Variants in ARHGAP15 observed in about 807,000 individuals in gnomAD.
The protein encoded by ARHGAP15 is rho GTPase-activating protein 15.
A neutral mutation model predicts 63.7 loss-of-function variants in ARHGAP15; 51 were observed. The observed-to-expected ratio is 0.80, with a 90% CI of 0.64 to 1.01. The LOEUF is 1.01. ARHGAP15 is among the 50% of genes least tolerant of loss of function. ARHGAP15 has a pLI of 0.00. For missense variants in ARHGAP15, 560 were observed against 564.6 expected (o/e 0.99, Z 0.08); for synonymous variants, 191 against 193.8 (o/e 0.99, Z 0.12).
At chr2:143,428,669 G>T (rs1166701970) in intron 6 of ARHGAP15, among the ~76,000 whole-genome samples, 1 of 152,030 alleles carries the variant, frequency 6.6e-6, no homozygotes, top group Non-Finnish European at 1.5e-5. Flanking sequence ...GGTCAAAAAG[G>T]TATGTAGAAA....
chr2:143,499,826 C>A (rs1692974446), intron 9 of ARHGAP15, among the ~76,000 whole-genome samples: 1 of 152,074 alleles, frequency 6.6e-6, no homozygotes, highest in Non-Finnish European at 1.5e-5. Flanking sequence ...CTCTCCTTTG[C>A]TTTCTTATTC....
chr2:143,181,557 A>G (rs1691235900), intron 2 of ARHGAP15, among the ~76,000 whole-genome samples: 1 of 152,206 alleles, frequency 6.6e-6, no homozygotes, highest in Non-Finnish European at 1.5e-5. Context: ...TTCACCTTGT[A>G]CTTTTATGTT....
In ARHGAP15 at chr2:143,410,021, T is replaced by TA. The variant is rs1308149808; in HGVS notation, c.475-25572dup. On this transcript the variant is annotated intron_variant, in intron 6 of 13. Coordinates refer to ENST00000295095, the MANE Select transcript of ARHGAP15 (RefSeq NM_018460.4). ...GTTTCACTTTTATAGTTTTTGAATG[T>TA]AAAAAAAATTAAATAAAACTGAGAT... 2.6e-5 allele frequency among the ~76,000 whole-genome samples: 4 copies of TA among 151,940 alleles called. No homozygotes were observed. In the East Asian group the frequency reaches 7.7e-4, roughly 29 times the overall value.
intron 9 of ARHGAP15, among the ~76,000 whole-genome samples, chr2:143,502,203 G>T (rs563160929): frequency 6.6e-6 from 1 of 152,060 alleles, no homozygotes; most frequent in African/African-American, 2.4e-5. Flanking sequence ...GAGGTCAGGA[G>T]TTCAAGATCA....
chr2:143,746,419 G>A (rs941965016), intron 13 of ARHGAP15, among the ~76,000 whole-genome samples: 14 of 152,042 alleles, frequency 9.2e-5, no homozygotes, highest in African/African-American at 3.1e-4. Context: ...AGGGAGAAAT[G>A]ACACAGAAAA....
At chr2:143,211,577 C>A (rs2105133974) in intron 3 of ARHGAP15, among the ~76,000 whole-genome samples, 2 of 151,856 alleles carry the variant, frequency 1.3e-5, no homozygotes, top group South Asian at 4.2e-4. Context: ...TTATAGTGGC[C>A]CAGGGTTGTA....
chr2:143,209,232 A>C (rs1248686459), intron 3 of ARHGAP15, among the ~76,000 whole-genome samples: 2 of 152,152 alleles, frequency 1.3e-5, no homozygotes, highest in African/African-American at 2.4e-5. Context: ...GGTAAGACAA[A>C]ATTAGGTTTT....
At chr2:143,341,233 T>G (rs901813169) in intron 6 of ARHGAP15, among the ~76,000 whole-genome samples, 4 of 152,110 alleles carry the variant, frequency 2.6e-5, no homozygotes, top group African/African-American at 9.7e-5. Context: ...CCTTTTTCTT[T>G]CGTATTCATT....
At chr2:143,155,819 C>A (rs960569500) in intron 2 of ARHGAP15, among the ~76,000 whole-genome samples, 164 bp downstream of exon 2, 1 of 151,598 alleles carries the variant, frequency 6.6e-6, no homozygotes, top group Admixed American at 6.6e-5. Flanking sequence ...TGATAATATC[C>A]CCAGTTGCAA....
chr2:143,353,408 G>A (rs186958385), intron 6 of ARHGAP15, among the ~76,000 whole-genome samples: 2 of 152,292 alleles, frequency 1.3e-5, no homozygotes, highest in Admixed American at 1.3e-4. Context: ...AGCAAAGTGG[G>A]AAAATGCAAC....
intron 4 of ARHGAP15, among the ~76,000 whole-genome samples, chr2:143,225,428 C>T (rs1263256222): frequency 6.6e-6 from 1 of 152,044 alleles, no homozygotes; most frequent in African/African-American, 2.4e-5. Context: ...GGTGAAACCC[C>T]ATCTCTATTA....
rs571447324 is a variant in ARHGAP15 at position 143,335,113 on chromosome 2, G to C, written c.474+84513G>C. On this transcript the variant is annotated intron_variant, in intron 6 of 13. Transcript: ENST00000295095. ...TTTCTCAGGGCATTTAATATGTTAA[G>C]GACCTGGAATTCAGTGTTCCCAAAC... is the stretch of plus-strand genomic sequence containing the variant. Among the ~76,000 whole-genome samples the C allele has an allele frequency of 9.9e-5, 15 of 152,238 alleles. No individual in the cohort carries two copies. In the South Asian group the frequency reaches 1.5e-3, roughly 15 times the overall value.
In ARHGAP15 at chr2:143,164,618, A is replaced by G. The variant is rs1690427874; in HGVS notation, c.165+8963A>G. On this transcript the variant is annotated intron_variant, in intron 2 of 13. Transcript: ENST00000295095. The stretch of plus-strand genomic sequence containing the variant: ...AATCACATACCCAGAGAAAAAGGAC[A>G]GAATGTTTGGGGAAAAATGAAAAAA... Among the ~76,000 whole-genome samples, 3 of 152,100 alleles carry G rather than the reference A, an allele frequency of 2.0e-5. No homozygotes were observed. In the South Asian group the frequency reaches 6.2e-4, roughly 31 times the overall value.
chr2:143,144,920 C>A (rs75607656), intron 1 of ARHGAP15, among the ~76,000 whole-genome samples: 4,747 of 152,116 alleles, frequency 0.031, 119 homozygotes, highest in Non-Finnish European at 0.045. Flanking sequence ...CTTACATAAA[C>A]CTTTATAAAA....
chr2:143,257,263 G>A (rs1336464077), intron 6 of ARHGAP15, among the ~76,000 whole-genome samples: 1 of 152,070 alleles, frequency 6.6e-6, no homozygotes, highest in Admixed American at 6.6e-5. Context: ...TATCAAAGCA[G>A]CATGCAACCG....
chr2:143,709,799 A>G (rs567590820), intron 13 of ARHGAP15, among the ~76,000 whole-genome samples: 7 of 152,352 alleles, frequency 4.6e-5, no homozygotes, highest in African/African-American at 1.7e-4. Flanking sequence ...AGACAAAATA[A>G]TTCGTCCACC....
intron 13 of ARHGAP15, among the ~76,000 whole-genome samples, chr2:143,718,692 T>C (rs981362405): frequency 6.6e-6 from 1 of 152,224 alleles, no homozygotes; most frequent in Non-Finnish European, 1.5e-5. Context: ...CCAATATTCA[T>C]CATCCTCTGC....
chr2:143,148,654 A>T (rs1689688342), intron 1 of ARHGAP15, among the ~76,000 whole-genome samples: 1 of 152,068 alleles, frequency 6.6e-6, no homozygotes. Flanking sequence ...AAATAAATGC[A>T]AAAACTTATT....
intron 12 of ARHGAP15, among the ~76,000 whole-genome samples, chr2:143,634,681 T>C (rs1480844980): frequency 6.6e-6 from 1 of 152,186 alleles, no homozygotes; most frequent in African/African-American, 2.4e-5. Context: ...TCTGCTTTAA[T>C]ATTTTGCTTT....
Sources: allele counts gnomAD v4.1 joint callset (sites outside exome capture counted in the v4.1 genomes callset), GRCh38; gene constraint gnomAD v4.1.1; transcripts MANE v1.5; gene names NCBI Gene and HGNC (gene_info 2026-07-23, HGNC 2026-07-21).